Variants in LRMDA observed in about 807,000 individuals in gnomAD.
LRMDA encodes leucine-rich melanocyte differentiation-associated protein.
Under a neutral mutation model 29.8 loss-of-function variants are expected in LRMDA, and 18 were observed. The observed-to-expected ratio is 0.60, with a 90% CI of 0.42 to 0.90. The LOEUF is 0.90. Among genes scored for constraint, LRMDA ranks in the 40% least tolerant of loss-of-function variants. LRMDA has a pLI of 0.00. For synonymous variants in LRMDA, 125 were observed against 109.4 expected (o/e 1.14, Z -0.89); for missense variants, 273 against 273.9 (o/e 1.00, Z 0.02).
At chr10:75,829,694 C>T (rs576567135) in intron 2 of LRMDA, among the ~76,000 whole-genome samples, 1 of 152,160 alleles carries the variant, frequency 6.6e-6, no homozygotes, top group East Asian at 1.9e-4. Context: ...TTAAGTCTAT[C>T]TATACTTCCC....
chr10:75,653,233 T>C (rs1431745783), intron 2 of LRMDA, among the ~76,000 whole-genome samples: 1 of 152,250 alleles, frequency 6.6e-6, no homozygotes, highest in African/African-American at 2.4e-5. Context: ...AATTCTTTAG[T>C]GTTCAGGCTT....
intron 6 of LRMDA, among the ~76,000 whole-genome samples, chr10:76,367,134 A>G (rs571369892): frequency 2.0e-5 from 3 of 152,200 alleles, no homozygotes; most frequent in Non-Finnish European, 2.9e-5. Flanking sequence ...TCTTCTTGGT[A>G]TGTTGTTGGA....
At chr10:76,266,980 G>A (rs1840013398) in intron 5 of LRMDA, among the ~76,000 whole-genome samples, 1 of 152,014 alleles carries the variant, frequency 6.6e-6, no homozygotes, top group Non-Finnish European at 1.5e-5. Flanking sequence ...TGATACAGGA[G>A]GGACACATTA....
rs182304960 is a variant in LRMDA at position 75,582,375 on chromosome 10, C to T, written c.131+143881C>T. ...GCCCCAGCTCTTGCATTCTGTGCACCCACAGGCTTAACACCACTTTGAAAC... is the reference window on the plus strand; with the variant it reads ...GCCCCAGCTCTTGCATTCTGTGCACTCACAGGCTTAACACCACTTTGAAAC... On this transcript the variant is annotated intron_variant, in intron 2 of 6. Transcript: ENST00000611255. Among the ~76,000 whole-genome samples, 702 of 152,326 alleles carry T rather than the reference C, an allele frequency of 4.6e-3. 7 individuals carry two copies. The highest frequency in any genetic ancestry group is 7.9e-3 in the Non-Finnish European group (539 of 68,028).
At chr10:76,147,789 G>C (rs1263307779) in intron 5 of LRMDA, among the ~76,000 whole-genome samples, 1 of 152,142 alleles carries the variant, frequency 6.6e-6, no homozygotes, top group Non-Finnish European at 1.5e-5. Context: ...AGTTTTTCTG[G>C]TCTGTTTTTT....
At chr10:75,748,765 A>C (rs927955560) in intron 2 of LRMDA, among the ~76,000 whole-genome samples, 1 of 152,254 alleles carries the variant, frequency 6.6e-6, no homozygotes, top group Non-Finnish European at 1.5e-5. Flanking sequence ...AATAGAAAAT[A>C]TCAGAGTTCA....
intron 2 of LRMDA, among the ~76,000 whole-genome samples, chr10:75,692,216 AAAAATAT>A (rs373431995): frequency 0.11 from 5,987 of 55,098 alleles, 265 homozygotes; most frequent in South Asian, 0.33. Flanking sequence ...GGGAAAAAAA[AAAAATAT>A]ATATATATAT....
intron 5 of LRMDA, among the ~76,000 whole-genome samples, chr10:76,255,080 G>A (rs1293121397): frequency 2.6e-5 from 4 of 152,038 alleles, no homozygotes; most frequent in East Asian, 1.9e-4. Flanking sequence ...TCTTTTATTC[G>A]TTCACCTCTT....
At chr10:75,776,692 T>C (rs1843316347) in intron 2 of LRMDA, among the ~76,000 whole-genome samples, 1 of 152,214 alleles carries the variant, frequency 6.6e-6, no homozygotes, top group East Asian at 1.9e-4. Context: ...AGAAGAAAAG[T>C]TCCTATCTCC....
chr10:76,060,688 C>T (rs761682362), intron 5 of LRMDA, among the ~76,000 whole-genome samples: 1 of 152,208 alleles, frequency 6.6e-6, no homozygotes, highest in Non-Finnish European at 1.5e-5. Flanking sequence ...CAGGTAAGAG[C>T]AGGACTGTTC....
chr10:76,341,253 G>T (rs1017341879), intron 6 of LRMDA, among the ~76,000 whole-genome samples: 2 of 152,096 alleles, frequency 1.3e-5, no homozygotes, highest in Admixed American at 6.6e-5. Flanking sequence ...ATTACGAATA[G>T]CTATATAGCA....
intron 5 of LRMDA, among the ~76,000 whole-genome samples, chr10:76,305,775 A>G (rs1840547267): frequency 6.6e-6 from 1 of 152,334 alleles, no homozygotes; most frequent in East Asian, 1.9e-4. Flanking sequence ...ACACATATGT[A>G]TACGTTTAGA....
chr10:76,214,257 G>C (rs1305689521), intron 5 of LRMDA, among the ~76,000 whole-genome samples: 1 of 151,628 alleles, frequency 6.6e-6, no homozygotes, highest in African/African-American at 2.4e-5. Context: ...GAAAGAATTG[G>C]CTTAAATAAT....
At chr10:75,715,073 T>C (rs1163522007) in intron 2 of LRMDA, among the ~76,000 whole-genome samples, 2 of 152,154 alleles carry the variant, frequency 1.3e-5, no homozygotes, top group African/African-American at 2.4e-5. Context: ...ACTACACCTG[T>C]GTTTCACAGA....
At chr10:75,755,418 G>A (rs955590527) in intron 2 of LRMDA, among the ~76,000 whole-genome samples, 2 of 152,166 alleles carry the variant, frequency 1.3e-5, no homozygotes, top group African/African-American at 4.8e-5. Flanking sequence ...CATTAGTTGG[G>A]GTTGGGGGCA....
At chr10:75,933,371 C>G (rs1243193040) in intron 2 of LRMDA, among the ~76,000 whole-genome samples, 1 of 152,170 alleles carries the variant, frequency 6.6e-6, no homozygotes, top group African/African-American at 2.4e-5. Flanking sequence ...TGCTTTGCAT[C>G]CCTACACCTA....
intron 6 of LRMDA, among the ~76,000 whole-genome samples, chr10:76,554,313 G>C (rs1204177985): frequency 1.3e-5 from 2 of 152,182 alleles, no homozygotes; most frequent in African/African-American, 4.8e-5. Context: ...TCCTGGGCCT[G>C]TCTGCAACCC....
intron 2 of LRMDA, among the ~76,000 whole-genome samples, chr10:75,917,852 C>A (rs891893888): frequency 6.6e-6 from 1 of 152,154 alleles, no homozygotes; most frequent in Admixed American, 6.5e-5. Flanking sequence ...AATAATGGTA[C>A]GTACCCCGCC....
chr10:75,452,905 A>G lies in LRMDA; in HGVS notation c.131+14411A>G, dbSNP rs916658706. Among the ~76,000 whole-genome samples, 3 of 152,222 alleles carry G rather than the reference A, an allele frequency of 2.0e-5. No individual in the cohort carries two copies. In the South Asian group the frequency reaches 6.2e-4, roughly 31 times the overall value. Reference sequence around the variant, plus strand: ...GATTTGGAAATCAATTTCTGATATGAAATATTTATATACAAGAAAGCATTT... The same window carrying G: ...GATTTGGAAATCAATTTCTGATATGGAATATTTATATACAAGAAAGCATTT... On this transcript the variant is annotated intron_variant, in intron 2 of 6. Coordinates refer to ENST00000611255, the MANE Select transcript of LRMDA (RefSeq NM_001305581.2).
Sources: gnomAD v4.1 joint callset for allele counts (sites outside exome capture counted in the v4.1 genomes callset) on GRCh38, gnomAD v4.1.1 for gene constraint, MANE v1.5 for transcripts, NCBI Gene and HGNC (gene_info 2026-07-23, HGNC 2026-07-21) for gene names.